Variants in CRB1 observed in about 807,000 individuals in gnomAD.
CRB1 encodes crumbs cell polarity complex component 1.
In CRB1, 83 loss-of-function variants were observed where a neutral mutation model predicts 120.0. That is an observed-to-expected ratio of 0.69 (90% CI 0.58 to 0.83). The LOEUF is 0.83. Ranked by LOEUF, CRB1 falls within the 40% of genes least tolerant of loss-of-function variation. CRB1 has a pLI of 0.00. For missense variants in CRB1, 1,699 were observed against 1,687.6 expected (o/e 1.01, Z -0.12); for synonymous variants, 625 against 612.5 (o/e 1.02, Z -0.30).
At position 197,477,963 on chromosome 1, in the gene CRB1, T is replaced by C; in HGVS notation, c.*84T>C. 1 of 1,323,868 alleles carries C rather than the reference T, an allele frequency of 7.6e-7. No individual in the cohort carries two copies. The highest frequency in any genetic ancestry group is 1.1e-6 in the Non-Finnish European group (1 of 917,858). The allele number at this position is 1,323,868 out of a possible 1,614,324, so 82.0% of individuals were successfully genotyped here. Reference sequence around the variant, plus strand: ...CAGGTATCTCTGACATACCTGACAATGTTAATCTGCAACTGGGATTACACT... The same window carrying C: ...CAGGTATCTCTGACATACCTGACAACGTTAATCTGCAACTGGGATTACACT... On this transcript the variant is annotated 3_prime_UTR_variant, in exon 12 of 12. Transcript: ENST00000367400.
chr1:197,204,369 C>A, the CRB1 span, among the ~76,000 whole-genome samples: 2 of 152,160 alleles, frequency 1.3e-5, no homozygotes, highest in African/African-American at 4.8e-5. Context: ...TTTTCCATAG[C>A]GGTTGTACTA....
intron 11 of CRB1, among the ~76,000 whole-genome samples, chr1:197,477,357 G>A (rs1236072537): frequency 2.6e-5 from 4 of 152,182 alleles, no homozygotes; most frequent in African/African-American, 7.2e-5. Flanking sequence ...ATATAAGTGT[G>A]GGCTCATCTT....
At chr1:197,411,737 T>C (rs1369388742) in intron 5 of CRB1, among the ~76,000 whole-genome samples, 1 of 152,200 alleles carries the variant, frequency 6.6e-6, no homozygotes, top group Non-Finnish European at 1.5e-5. Flanking sequence ...TATAAGTATA[T>C]ATTGTGTTAA....
chr1:197,280,842 T>C (rs1655479223), intron 1 of CRB1, among the ~76,000 whole-genome samples: 1 of 151,910 alleles, frequency 6.6e-6, no homozygotes, highest in African/African-American at 2.4e-5. Flanking sequence ...TAACTCAATA[T>C]GCTTTTGTTT....
chr1:197,430,165 A>G (rs1448434188), intron 8 of CRB1, among the ~76,000 whole-genome samples: 1 of 152,204 alleles, frequency 6.6e-6, no homozygotes, highest in African/African-American at 2.4e-5. Context: ...CTTCTGTACT[A>G]CAAAAAACAA....
the CRB1 span, among the ~76,000 whole-genome samples, chr1:197,262,955 G>A: frequency 5.8e-4 from 88 of 152,134 alleles, no homozygotes; most frequent in Middle Eastern, 0.01. Context: ...TTGATTCCAC[G>A]TCTTTGCTAT....
chr1:197,243,188 C>T, the CRB1 span, among the ~76,000 whole-genome samples: 1 of 152,038 alleles, frequency 6.6e-6, no homozygotes, highest in African/African-American at 2.4e-5. Flanking sequence ...CAGTTCTGCT[C>T]TGATCTTAGT....
At chr1:197,275,477 T>TG (rs1460447656) in intron 1 of CRB1, among the ~76,000 whole-genome samples, 1 of 152,214 alleles carries the variant, frequency 6.6e-6, no homozygotes, top group African/African-American at 2.4e-5. Flanking sequence ...GATATCCTTG[T>TG]ATTAACATGT....
intron 2 of CRB1, among the ~76,000 whole-genome samples, chr1:197,341,661 G>A (rs1351035815): frequency 6.6e-6 from 1 of 152,190 alleles, no homozygotes; most frequent in East Asian, 1.9e-4. Flanking sequence ...ATGATCACCT[G>A]TTTCTCTACC....
At chr1:197,374,684 T>C (rs1280411386) in intron 5 of CRB1, among the ~76,000 whole-genome samples, 1 of 152,204 alleles carries the variant, frequency 6.6e-6, no homozygotes, top group Non-Finnish European at 1.5e-5. Flanking sequence ...TTTCTCTTGC[T>C]TGTGGCTCAA....
At chr1:197,338,113 T>A (rs939503385) in intron 2 of CRB1, among the ~76,000 whole-genome samples, 1 of 152,066 alleles carries the variant, frequency 6.6e-6, no homozygotes, top group Non-Finnish European at 1.5e-5. Context: ...AGTGTATTTT[T>A]CAAACATAGC....
intron 5 of CRB1, among the ~76,000 whole-genome samples, chr1:197,418,624 T>C (rs1664129258): frequency 6.6e-6 from 1 of 152,120 alleles, no homozygotes; most frequent in African/African-American, 2.4e-5. Context: ...CAGATTAACA[T>C]TTCATACGTT....
chr1:197,381,304 G>A (rs1661943708), intron 5 of CRB1, among the ~76,000 whole-genome samples: 2 of 152,128 alleles, frequency 1.3e-5, no homozygotes, highest in African/African-American at 4.8e-5. Context: ...AAAAATAAAA[G>A]GAGACTAGAT....
chr1:197,448,680 C>A (rs1665816245), intron 11 of CRB1, among the ~76,000 whole-genome samples: 1 of 152,164 alleles, frequency 6.6e-6, no homozygotes, highest in Non-Finnish European at 1.5e-5. Flanking sequence ...AATTTCAGAT[C>A]TTGTATAGAC....
chr1:197,328,754 A>C lies in CRB1; in HGVS notation c.403A>C (p.Ile135Leu). 6.2e-7 allele frequency: 1 copy of C among 1,611,894 alleles called. No individual in the cohort carries two copies. The highest frequency in any genetic ancestry group is 8.5e-7 in the Non-Finnish European group (1 of 1,178,284). The change falls in exon 2 of 12, where the codon ATC becomes CTC. Residue 135 changes from isoleucine (I) to leucine (L), a missense_variant. Transcript: ENST00000367400. ...TCAGGACCCTATTTATCCTGTCTGC[A>C]TCTGCCCTGCTGGATATGCTGGAAG... ...CHQDPIYPVC[I>L]CPAGYAGRFC...
At chr1:197,244,594 C>A in the CRB1 span, among the ~76,000 whole-genome samples, 2 of 151,710 alleles carry the variant, frequency 1.3e-5, no homozygotes, top group African/African-American at 2.4e-5. Flanking sequence ...AAGATTTTTT[C>A]TTTGTGTTTA....
intron 6 of CRB1, 43 bp from the exon 7 acceptor site, chr1:197,427,411 T>G (rs368800003): frequency 3.4e-5 from 53 of 1,578,122 alleles, no homozygotes; most frequent in Admixed American, 5.0e-5. Flanking sequence ...AGCCTTAAGA[T>G]GTTTCTTTTT....
At chr1:197,423,348 C>T (rs1664428202) in intron 6 of CRB1, among the ~76,000 whole-genome samples, 1 of 152,118 alleles carries the variant, frequency 6.6e-6, no homozygotes, top group Non-Finnish European at 1.5e-5. Context: ...GAATTGGTTA[C>T]CCTTCCCCCA....
Position 197,477,809 on chromosome 1 carries a change from A to G in CRB1, c.4151A>G (p.Gln1384Arg). Reference sequence around the variant, plus strand: ...CAGGGAACCTACAGCCCCAGCCGTCAGGAGAAGGAGGGCTCCCGAGTGGAA... The same window carrying G: ...CAGGGAACCTACAGCCCCAGCCGTCGGGAGAAGGAGGGCTCCCGAGTGGAA... ...ATQGTYSPSR[Q>R]EKEGSRVEMW... The change falls in exon 12 of 12, where the codon CAG becomes CGG. Residue 1384 changes from glutamine to arginine, a missense_variant. Coordinates refer to ENST00000367400, the MANE Select transcript of CRB1 (RefSeq NM_201253.3). 1 of 1,613,924 alleles carries G rather than the reference A, an allele frequency of 6.2e-7. No individual in the cohort carries two copies. The highest frequency in any genetic ancestry group is 8.5e-7 in the Non-Finnish European group (1 of 1,179,864).
Sources: allele counts gnomAD v4.1 joint callset (sites outside exome capture counted in the v4.1 genomes callset), GRCh38; gene constraint gnomAD v4.1.1; transcripts MANE v1.5; gene names NCBI Gene and HGNC (gene_info 2026-07-23, HGNC 2026-07-21).